Variants in CGNL1 observed in about 807,000 individuals in gnomAD.
The protein encoded by CGNL1 is cingulin-like protein 1.
A neutral mutation model predicts 141.2 loss-of-function variants in CGNL1; 132 were observed. That is an observed-to-expected ratio of 0.93 (90% CI 0.81 to 1.08). The LOEUF is 1.08. Ranked by LOEUF, CGNL1 falls within the 50% of genes least tolerant of loss-of-function variation. CGNL1 has a pLI of 0.00. For missense variants in CGNL1, 1,870 were observed against 1,588.6 expected, an observed-to-expected ratio of 1.18 and a Z score of -3.01; for synonymous variants, 690 against 622.1, an observed-to-expected ratio of 1.11 and a Z score of -1.63.
chr15:57,498,245 G>GTTCTT (rs2063970707), intron 8 of CGNL1, among the ~76,000 whole-genome samples: 1 of 101,090 alleles, frequency 9.9e-6, no homozygotes, highest in African/African-American at 3.7e-5. Context: ...TGGGGAAACA[G>GTTCTT]TTTTTTTTTT....
In CGNL1 at chr15:57,549,991, T is replaced by G. The variant is rs1415212467; in HGVS notation, c.*2501T>G. 1 of 152,232 alleles carries G rather than the reference T, an allele frequency of 6.6e-6. No individual in the cohort carries two copies. The highest frequency in any genetic ancestry group is 1.5e-5 in the Non-Finnish European group (1 of 68,052). 9.4% of individuals were successfully genotyped at this position (152,232 alleles called of 1,614,324 possible). ...GGGAGTGTGTGTCTGTTTTGGTTTG[T>G]GAGAAAGTAGCTGCCCCTCATTCTG... On this transcript the variant is annotated 3_prime_UTR_variant, in exon 19 of 19. Coordinates refer to ENST00000281282, the MANE Select transcript of CGNL1 (RefSeq NM_032866.5).
At chr15:57,521,393 A>G (rs573694174) in intron 10 of CGNL1, among the ~76,000 whole-genome samples, 1 of 152,288 alleles carries the variant, frequency 6.6e-6, no homozygotes, top group East Asian at 1.9e-4. Flanking sequence ...TATTTTAAGT[A>G]CAGACACCCC....
chr15:57,430,367 TAAGCCTCAAG>T (rs1196856743), intron 1 of CGNL1, among the ~76,000 whole-genome samples: 29 of 152,332 alleles, frequency 1.9e-4, no homozygotes, highest in African/African-American at 6.7e-4. Context: ...GAAATCATTT[TAAGCCTCAAG>T]AGGTGAAAAG....
chr15:57,475,967 G>T (rs557003069), intron 8 of CGNL1, among the ~76,000 whole-genome samples: 36 of 152,164 alleles, frequency 2.4e-4, no homozygotes, highest in Admixed American at 3.3e-4. Context: ...AGGGTCTTTT[G>T]TCCCTCGGGT....
At chr15:57,532,336 G>T (rs1461116202) in intron 14 of CGNL1, among the ~76,000 whole-genome samples, 1 of 152,176 alleles carries the variant, frequency 6.6e-6, no homozygotes, top group Non-Finnish European at 1.5e-5. Context: ...AGTGGTTTGG[G>T]CATGCACTGG....
intron 8 of CGNL1, among the ~76,000 whole-genome samples, chr15:57,486,346 G>T (rs567806092): frequency 9.0e-4 from 137 of 152,256 alleles, no homozygotes; most frequent in African/African-American, 3.2e-3. Context: ...ACTGCAAAGA[G>T]TCAGGGAAGA....
intron 1 of CGNL1, among the ~76,000 whole-genome samples, chr15:57,415,094 G>A (rs1207188635): frequency 2.0e-5 from 3 of 152,180 alleles, no homozygotes; most frequent in African/African-American, 7.2e-5. Context: ...GGACAACTGA[G>A]ATCAAATACA....
At chr15:57,543,015 G>C (rs189967904) in intron 14 of CGNL1, among the ~76,000 whole-genome samples, 7 of 152,226 alleles carry the variant, frequency 4.6e-5, no homozygotes. Context: ...CTGTAACAAA[G>C]TAACACAACC....
chr15:57,493,274 G>C (rs1246434557), intron 8 of CGNL1, among the ~76,000 whole-genome samples: 1 of 152,146 alleles, frequency 6.6e-6, no homozygotes, highest in Non-Finnish European at 1.5e-5. Context: ...CAGTCATTCA[G>C]AATTACTCCA....
At chr15:57,422,581 A>T (rs1353628276) in intron 1 of CGNL1, among the ~76,000 whole-genome samples, 5 of 152,246 alleles carry the variant, frequency 3.3e-5, no homozygotes, top group African/African-American at 9.6e-5. Context: ...GGTTTTGGAC[A>T]GCATAGTTCG....
intron 1 of CGNL1, among the ~76,000 whole-genome samples, chr15:57,406,391 A>G (rs1385099794): frequency 2.0e-5 from 3 of 152,140 alleles, no homozygotes; most frequent in African/African-American, 7.2e-5. Flanking sequence ...TGGGGGTTCT[A>G]AGAGAAGGAG....
chr15:57,435,040 G>A (rs1402480521), intron 1 of CGNL1, among the ~76,000 whole-genome samples: 1 of 152,078 alleles, frequency 6.6e-6, no homozygotes, highest in East Asian at 1.9e-4. Flanking sequence ...CTGATATTTT[G>A]ATCATTTGGA....
At chr15:57,434,280 T>C (rs368249117) in intron 1 of CGNL1, among the ~76,000 whole-genome samples, 33 of 152,240 alleles carry the variant, frequency 2.2e-4, no homozygotes, top group African/African-American at 7.7e-4. Context: ...TACTGGAATT[T>C]AAAAAATGTT....
At chr15:57,486,945 A>C (rs1194658121) in intron 8 of CGNL1, among the ~76,000 whole-genome samples, 1 of 152,198 alleles carries the variant, frequency 6.6e-6, no homozygotes, top group African/African-American at 2.4e-5. Context: ...ATGTCACAAT[A>C]ATTGTAGACC....
chr15:57,529,890 C>T (rs538337769), intron 13 of CGNL1, among the ~76,000 whole-genome samples: 4 of 152,162 alleles, frequency 2.6e-5, no homozygotes, highest in Admixed American at 6.5e-5. Context: ...ATTAGATGGG[C>T]CTCTTTTAGA....
At chr15:57,487,097 C>T (rs1470002198) in intron 8 of CGNL1, among the ~76,000 whole-genome samples, 4 of 152,126 alleles carry the variant, frequency 2.6e-5, no homozygotes, top group Non-Finnish European at 5.9e-5. Flanking sequence ...ACCAGTGCAA[C>T]CACACTAAAC....
chr15:57,411,319 A>G (rs1276946489), intron 1 of CGNL1, among the ~76,000 whole-genome samples: 1 of 151,984 alleles, frequency 6.6e-6, no homozygotes, highest in Non-Finnish European at 1.5e-5. Context: ...TTGTATACCA[A>G]CTGTGATCTC....
intron 1 of CGNL1, among the ~76,000 whole-genome samples, chr15:57,383,292 CTT>C (rs59213732): frequency 5.5e-5 from 6 of 109,566 alleles, no homozygotes; most frequent in Admixed American, 1.8e-4. Flanking sequence ...TTCTTTCTTC[CTT>C]TTTTTTTTTT....
At chr15:57,380,493 T>TG (rs1169758414) in intron 1 of CGNL1, among the ~76,000 whole-genome samples, 1 of 152,150 alleles carries the variant, frequency 6.6e-6, no homozygotes, top group Non-Finnish European at 1.5e-5. Context: ...CAGTGGCCCG[T>TG]GGGGTACTGT....
Sources: gnomAD v4.1 joint callset for allele counts (sites outside exome capture counted in the v4.1 genomes callset) on GRCh38, gnomAD v4.1.1 for gene constraint, MANE v1.5 for transcripts, NCBI Gene and HGNC (gene_info 2026-07-23, HGNC 2026-07-21) for gene names.